Variants in CADPS observed in about 807,000 individuals in gnomAD.
CADPS encodes calcium dependent secretion activator.
CADPS carries 57 observed loss-of-function variants against 167.3 expected under a neutral mutation model. The observed-to-expected ratio is 0.34, with a 90% CI of 0.28 to 0.42. CADPS has a LOEUF of 0.42. CADPS is among the 20% of genes least tolerant of loss of function. The pLI, the probability that CADPS is intolerant of heterozygous loss-of-function variation, is 1.00. For synonymous variants in CADPS, 676 were observed against 635.3 expected, an observed-to-expected ratio of 1.06 and a Z score of -0.96; for missense variants, 1,414 against 1,738.1, an observed-to-expected ratio of 0.81 and a Z score of 3.32.
At chr3:62,510,191 C>CATCCATCTATCTATCT (rs1553853780) in intron 17 of CADPS, among the ~76,000 whole-genome samples, 5 of 148,384 alleles carry the variant, frequency 3.4e-5, no homozygotes, top group East Asian at 2.0e-4. Context: ...CCTATTTCTG[C>CATCCATCTATCTATCT]ATCTATCTAT....
At chr3:62,484,061 AAT>A (rs945316034) in intron 21 of CADPS, among the ~76,000 whole-genome samples, 2 of 152,126 alleles carry the variant, frequency 1.3e-5, no homozygotes, top group African/African-American at 4.8e-5. Flanking sequence ...AAATAAAAAA[AAT>A]ACTTCTATTA....
At chr3:62,736,982 A>G (rs1575647254) in intron 3 of CADPS, among the ~76,000 whole-genome samples, 1 of 71,016 alleles carries the variant, frequency 1.4e-5, no homozygotes, top group African/African-American at 8.5e-5. Context: ...ATTAAAATAC[A>G]AAAAAAATTA....
Position 62,568,944 on chromosome 3 carries a change from C to T in CADPS, c.1644+1928G>A, listed in dbSNP as rs1325822975. Among the ~76,000 whole-genome samples the T allele has an allele frequency of 2.0e-5, 3 of 152,262 alleles. No individual in the cohort carries two copies. The East Asian group carries it at 5.8e-4, about 29-fold the overall frequency. ...TGCATATGTAGAACTCTAACAGATT[C>T]CTTTCTGGGAGCTAAATACCAGACC... is the stretch of plus-strand genomic sequence containing the variant. On this transcript the variant is annotated intron_variant, in intron 9 of 29. Transcript: ENST00000383710.
rs188584556 is a variant in CADPS at position 62,599,246 on chromosome 3, C to T, written c.1326-6498G>A. On this transcript the variant is annotated intron_variant, in intron 6 of 29. Coordinates refer to ENST00000383710, the MANE Select transcript of CADPS (RefSeq NM_003716.4). ...GATAATGTAAAATGGGTTAGGTGTC[C>T]CTATTCTGTGATCCCATCCTTTCCT... 3.4e-3 allele frequency among the ~76,000 whole-genome samples: 523 copies of T among 151,712 alleles called. 2 individuals are homozygous for T. Among genetic ancestry groups the T allele is most frequent in the Middle Eastern group, 0.01 (3 of 292 alleles).
rs1271676942 is a variant in CADPS, at chr3:62,874,509, G to C, written c.441+80C>G. 2 of 1,120,280 alleles carry C rather than the reference G, an allele frequency of 1.8e-6. No individual in the cohort carries two copies. Among genetic ancestry groups the C allele is most frequent in the African/African-American group, 3.1e-5 (2 of 64,462 alleles). 69.4% of individuals were successfully genotyped at this position (1,120,280 alleles called of 1,614,324 possible). Reference sequence around the variant, plus strand: ...CCTCTCCTGCTCCTCCTCGCCAGCTGCGCCGCCAGCTCCCATTGTTCACCC... The same window carrying C: ...CCTCTCCTGCTCCTCCTCGCCAGCTCCGCCGCCAGCTCCCATTGTTCACCC... On this transcript the variant is annotated intron_variant, in intron 1 of 29. Coordinates refer to ENST00000383710, the MANE Select transcript of CADPS (RefSeq NM_003716.4). The surrounding 1 kb of genome is among the most constrained non-coding windows in gnomAD (Gnocchi z 7.1).
At chr3:62,613,187 A>T (rs1289713660) in intron 6 of CADPS, among the ~76,000 whole-genome samples, 1 of 152,142 alleles carries the variant, frequency 6.6e-6, no homozygotes, top group Non-Finnish European at 1.5e-5. Context: ...CAGGGTGTGG[A>T]AGCACAGCTT....
intron 2 of CADPS, among the ~76,000 whole-genome samples, chr3:62,765,376 G>C (rs751175428): frequency 6.6e-6 from 1 of 152,042 alleles, no homozygotes; most frequent in Admixed American, 6.6e-5. Flanking sequence ...AGTGGTTCCA[G>C]CTCCAGAAAA....
At chr3:62,858,897 A>G (rs2080215516) in intron 1 of CADPS, among the ~76,000 whole-genome samples, 1 of 152,178 alleles carries the variant, frequency 6.6e-6, no homozygotes, top group South Asian at 2.1e-4. Context: ...TGTTGCTATC[A>G]TATTTATAGA....
chr3:62,611,870 C>T (rs893687970), intron 6 of CADPS, among the ~76,000 whole-genome samples: 4 of 152,130 alleles, frequency 2.6e-5, no homozygotes, highest in Non-Finnish European at 5.9e-5. Flanking sequence ...ACTCTTCTTC[C>T]CTGCTCTTTT....
rs372836859 is a variant in CADPS at position 62,478,441 on chromosome 3, G to A, written c.3174-25C>T. ...ACTGGCAGGACAAAAATTAGAAAATGAGAGTCACCCACTGGCCTCAGGCTC... is the reference window on the plus strand; with the variant it reads ...ACTGGCAGGACAAAAATTAGAAAATAAGAGTCACCCACTGGCCTCAGGCTC... On this transcript the variant is annotated intron_variant, in intron 22 of 29. Transcript: ENST00000383710. This position sits in a 1 kb window ranked among gnomAD's most constrained non-coding sequence, Gnocchi z 5.7. 5 of 1,605,160 alleles carry A rather than the reference G, an allele frequency of 3.1e-6. No individual in the cohort carries two copies. In the South Asian group the frequency reaches 5.6e-5, roughly 18 times the overall value.
chr3:62,691,176 T>A (rs761137137), intron 3 of CADPS, among the ~76,000 whole-genome samples: 2 of 151,142 alleles, frequency 1.3e-5, no homozygotes, highest in African/African-American at 4.9e-5. Context: ...GGGGAGGGAG[T>A]GATGAAAAGG....
At chr3:62,657,063 C>T (rs1013919712) in intron 4 of CADPS, among the ~76,000 whole-genome samples, 2 of 152,174 alleles carry the variant, frequency 1.3e-5, no homozygotes, top group African/African-American at 4.8e-5. Context: ...CTTCATAACA[C>T]AGCATGGGTG....
intron 28 of CADPS, among the ~76,000 whole-genome samples, chr3:62,435,147 G>A (rs1423821750): frequency 1.3e-5 from 2 of 152,158 alleles, no homozygotes; most frequent in Non-Finnish European, 2.9e-5. Context: ...AGAGCAACAA[G>A]TCTTTCTCAA....
intron 29 of CADPS, among the ~76,000 whole-genome samples, chr3:62,402,598 T>C (rs2149054022): frequency 6.6e-6 from 1 of 152,360 alleles, no homozygotes; most frequent in East Asian, 1.9e-4. Context: ...ACACGCATTG[T>C]AAGACGAACT....
At chr3:62,479,024 T>C (rs1413934693) in intron 22 of CADPS, among the ~76,000 whole-genome samples, 1 of 152,214 alleles carries the variant, frequency 6.6e-6, no homozygotes, top group Non-Finnish European at 1.5e-5. Flanking sequence ...GTTTGGTTAC[T>C]GTTCCAATTT....
intron 1 of CADPS, among the ~76,000 whole-genome samples, chr3:62,774,490 C>T (rs150676541): frequency 0.023 from 3,447 of 152,132 alleles, 64 homozygotes; most frequent in South Asian, 0.061. Context: ...AGTCTCTTTC[C>T]CCTCTTAAAA....
intron 6 of CADPS, among the ~76,000 whole-genome samples, chr3:62,639,266 TA>T (rs2066932795): frequency 6.6e-6 from 1 of 152,166 alleles, no homozygotes; most frequent in South Asian, 2.1e-4. Context: ...AGAAAGAAAT[TA>T]AACCTTTTTC....
intron 7 of CADPS, among the ~76,000 whole-genome samples, chr3:62,591,895 T>C (rs1358575259): frequency 1.3e-5 from 2 of 152,228 alleles, no homozygotes; most frequent in East Asian, 3.8e-4. Flanking sequence ...TCTTCCTGCA[T>C]CCCATCTGAC....
chr3:62,735,241 T>C (rs1263171913), intron 3 of CADPS, among the ~76,000 whole-genome samples: 1 of 152,058 alleles, frequency 6.6e-6, no homozygotes, highest in East Asian at 1.9e-4. Flanking sequence ...TGGCAGAAAA[T>C]TGCAGTTCAA....
Sources: gnomAD v4.1 joint callset for allele counts (sites outside exome capture counted in the v4.1 genomes callset) on GRCh38, gnomAD v4.1.1 for gene constraint, Gnocchi (gnomAD v3.1) non-coding constraint, MANE v1.5 for transcripts, NCBI Gene and HGNC (gene_info 2026-07-23, HGNC 2026-07-21) for gene names.